Variants in HSF5 observed in about 807,000 individuals in gnomAD.
HSF5 encodes heat shock transcription factor 5, also known as heat shock factor protein 5.
HSF5 carries 5 observed loss-of-function variants against 50.8 expected under a neutral mutation model. The ratio of observed to expected loss-of-function variants is 0.10; its 90% confidence interval spans 0.05 to 0.21. The LOEUF is 0.21. HSF5 is among the 10% of genes least tolerant of loss of function. The pLI is 1.00. For missense variants in HSF5, 564 were observed against 762.6 expected (o/e 0.74, Z 3.07); for synonymous variants, 307 against 307.4 (o/e 1.00, Z 0.02).
At chr17:58,435,118 C>A (rs1208890982) in intron 5 of HSF5, among the ~76,000 whole-genome samples, 1 of 152,004 alleles carries the variant, frequency 6.6e-6, no homozygotes, top group Non-Finnish European at 1.5e-5. Context: ...GTCACAGCCA[C>A]GAATGAAGAG....
intron 5 of HSF5, among the ~76,000 whole-genome samples, chr17:58,454,968 A>G (rs1974689759): frequency 6.6e-6 from 1 of 152,150 alleles, no homozygotes; most frequent in African/African-American, 2.4e-5. Flanking sequence ...CAGAAATAGA[A>G]AAAAAATTCT....
chr17:58,480,380 C>G (rs548533088), intron 1 of HSF5, 113 bp from the exon 2 acceptor site: 1 of 1,012,054 alleles, frequency 9.9e-7, no homozygotes, highest in African/African-American at 2.1e-5. Flanking sequence ...TTTAACACAA[C>G]AGAAGTTTAG....
rs1254327361 is a variant in HSF5, at chr17:58,488,174, C to T, written c.101G>A (p.Gly34Asp). The T allele has an allele frequency of 6.5e-7, 1 of 1,531,150 alleles. No individual in the cohort carries two copies. The highest frequency in any genetic ancestry group is 8.7e-7 in the Non-Finnish European group (1 of 1,152,566). The allele number at this position is 1,531,150 out of a possible 1,614,324, so 94.8% of individuals were successfully genotyped here. A position where few individuals can be genotyped will look rare whatever the true frequency, so the allele number is the denominator to read the frequency against. Residue 34 changes from glycine (G) to aspartate (D), a missense_variant, in exon 1 of 6, where the codon GGC (glycine) becomes GAC (aspartate). Gly to Asp is a moderately conservative substitution (Grantham distance 94, BLOSUM62 -1). Coordinates refer to ENST00000323777, the MANE Select transcript of HSF5 (RefSeq NM_001080439.3). This position sits in a 1 kb window ranked among gnomAD's most constrained non-coding sequence, Gnocchi z 4.1. ...ATCGATAAGCAGCCCCTCGCCGCGG[C>T]CGTCCCAGCGGATGGAGCGGTAGCG... ...SPRYRSIRWD[G>D]RGEGLLIDQP...
chr17:58,458,554 CATT>C (rs748212892), intron 5 of HSF5, among the ~76,000 whole-genome samples: 10 of 152,124 alleles, frequency 6.6e-5, no homozygotes, highest in African/African-American at 9.7e-5. Flanking sequence ...AAGCCCAAAT[CATT>C]ATATGCAATA....
At chr17:58,448,732 T>C (rs1035072943) in intron 5 of HSF5, among the ~76,000 whole-genome samples, 1 of 147,300 alleles carries the variant, frequency 6.8e-6, no homozygotes, top group Non-Finnish European at 1.5e-5. Context: ...AAATGTTAAA[T>C]GTGCAACAAG....
intron 2 of HSF5, among the ~76,000 whole-genome samples, chr17:58,475,424 G>C (rs554633904): frequency 6.1e-4 from 93 of 152,282 alleles, no homozygotes; most frequent in African/African-American, 2.2e-3. Flanking sequence ...AATTACAATA[G>C]AGAATGTCAA....
chr17:58,431,497 G>C (rs1001995399), intron 5 of HSF5, among the ~76,000 whole-genome samples: 2 of 151,858 alleles, frequency 1.3e-5, no homozygotes, highest in African/African-American at 4.8e-5. Context: ...AATCTTACGG[G>C]ACCACTGTTC....
intron 5 of HSF5, among the ~76,000 whole-genome samples, chr17:58,458,315 T>C (rs1470469000): frequency 2.0e-5 from 3 of 152,228 alleles, no homozygotes; most frequent in Non-Finnish European, 4.4e-5. Flanking sequence ...CTTTATAGTA[T>C]CTTTAAAATG....
At chr17:58,424,889 A>C (rs1974274410) in intron 5 of HSF5, among the ~76,000 whole-genome samples, 1 of 152,202 alleles carries the variant, frequency 6.6e-6, no homozygotes, top group South Asian at 2.1e-4. Flanking sequence ...GACAAAAGAC[A>C]AATACTATAT....
At chr17:58,429,203 T>C (rs1206063201) in intron 5 of HSF5, among the ~76,000 whole-genome samples, 1 of 152,142 alleles carries the variant, frequency 6.6e-6, no homozygotes, top group Non-Finnish European at 1.5e-5. Flanking sequence ...AGTAAATCCA[T>C]AGAGACAGAA....
Position 58,488,144 on chromosome 17 carries a change from G to C in HSF5, c.131C>G (p.Pro44Arg), listed in dbSNP as rs775077301. Residue 44 changes from proline to arginine, a missense_variant, in exon 1 of 6, where the codon CCG (proline) becomes CGG (arginine). Coordinates refer to ENST00000323777, the MANE Select transcript of HSF5 (RefSeq NM_001080439.3). The surrounding 1 kb of genome is among the most constrained non-coding windows in gnomAD (Gnocchi z 4.1). ...GRGEGLLIDQ[P>R]LFEAELLSPP... ...GCTGAGCAGCTCGGCCTCGAAGAGC[G>C]GCTGATCGATAAGCAGCCCCTCGCC... 6.4e-7 allele frequency: 1 copy of C among 1,552,910 alleles called. No individual in the cohort carries two copies. The highest frequency in any genetic ancestry group is 2.4e-5 in the East Asian group (1 of 40,988).
intron 5 of HSF5, among the ~76,000 whole-genome samples, chr17:58,451,502 C>T (rs908026006): frequency 6.6e-6 from 1 of 152,106 alleles, no homozygotes; most frequent in Admixed American, 6.6e-5. Context: ...TTTCTGACCA[C>T]ATGCAATAAA....
chr17:58,471,749 C>A (rs1974946757), intron 2 of HSF5, among the ~76,000 whole-genome samples: 1 of 151,664 alleles, frequency 6.6e-6, no homozygotes, highest in Non-Finnish European at 1.5e-5. Flanking sequence ...CCATGCCTGG[C>A]CAGATATATA....
rs1011260529 is a variant in HSF5 at position 58,463,221 on chromosome 17, G to T, written c.1103C>A (p.Thr368Lys). Residue 368 changes from threonine to lysine, a missense_variant, in exon 4 of 6, where the codon ACA becomes AAA. Thr to Lys is a moderately conservative substitution (Grantham distance 78, BLOSUM62 -1). Transcript: ENST00000323777. ...PCSTTDENTK[T>K]EVNLEAVFQI... ...AAAGACAGCCTCTAGGTTTACTTCT[G>T]TCTTTGTATTTTCATCAGTAGTACT... The T allele has an allele frequency of 3.4e-5, 55 of 1,613,954 alleles. No individual in the cohort carries two copies. The highest frequency in any genetic ancestry group is 4.4e-5 in the Non-Finnish European group (52 of 1,179,954).
chr17:58,461,734 T>C lies in HSF5; in HGVS notation c.1542+1048A>G, dbSNP rs548302962. On this transcript the variant is annotated intron_variant, in intron 4 of 5. Coordinates refer to ENST00000323777, the MANE Select transcript of HSF5 (RefSeq NM_001080439.3). The stretch of plus-strand genomic sequence containing the variant: ...TAAAAATACAAAAATTAGCTGGACA[T>C]GGTGGCTCGCCTGTAATCCCAGTTA... 3.3e-5 allele frequency among the ~76,000 whole-genome samples: 5 copies of C among 151,984 alleles called. No homozygotes were observed. In the South Asian group the frequency reaches 1.0e-3, roughly 32 times the overall value.
intron 5 of HSF5, among the ~76,000 whole-genome samples, chr17:58,433,037 A>C (rs1309571536): frequency 1.3e-5 from 2 of 152,070 alleles, no homozygotes; most frequent in Non-Finnish European, 2.9e-5. Flanking sequence ...CATCTGAGAC[A>C]AGGTCTTGCT....
intron 5 of HSF5, among the ~76,000 whole-genome samples, chr17:58,456,147 A>G (rs1357060942): frequency 7.4e-6 from 1 of 135,378 alleles, no homozygotes; most frequent in African/African-American, 2.9e-5. Flanking sequence ...GTGTATATAT[A>G]TATATGTGTG....
intron 2 of HSF5, among the ~76,000 whole-genome samples, chr17:58,471,579 C>T (rs1974943355): frequency 6.6e-6 from 1 of 151,544 alleles, no homozygotes. Flanking sequence ...GAACTGCATG[C>T]CAAAATGGAT....
chr17:58,468,546 T>C (rs1974903092), intron 2 of HSF5, among the ~76,000 whole-genome samples: 1 of 152,222 alleles, frequency 6.6e-6, no homozygotes, highest in Non-Finnish European at 1.5e-5. Context: ...CTCTCCCTTT[T>C]TATGTCCACA....
Sources: allele counts gnomAD v4.1 joint callset (sites outside exome capture counted in the v4.1 genomes callset), GRCh38; gene constraint gnomAD v4.1.1; non-coding constraint Gnocchi (gnomAD v3.1); transcripts MANE v1.5; gene names NCBI Gene and HGNC (gene_info 2026-07-23, HGNC 2026-07-21).